SEMA3A: variants seen among roughly 807,000 people sequenced by gnomAD.
SEMA3A encodes semaphorin 3A.
Under a neutral mutation model 97.9 loss-of-function variants are expected in SEMA3A, and 29 were observed. The ratio of observed to expected loss-of-function variants is 0.30; its 90% confidence interval spans 0.22 to 0.40. The LOEUF (loss-of-function observed/expected upper bound fraction) is 0.40. SEMA3A is among the 10% of genes least tolerant of loss of function. The pLI is 1.00. For missense variants in SEMA3A, 763 were observed against 951.3 expected, an observed-to-expected ratio of 0.80 and a Z score of 2.60; for synonymous variants, 321 against 323.7, an observed-to-expected ratio of 0.99 and a Z score of 0.09.
intron 6 of SEMA3A, among the ~76,000 whole-genome samples, chr7:84,018,847 C>A (rs1217676798): frequency 6.6e-6 from 1 of 152,096 alleles, no homozygotes; most frequent in African/African-American, 2.4e-5. Context: ...GTGTTCTAGA[C>A]CTAGTAATGA....
At chr7:84,253,024 G>A (rs528179393) in intron 3 of SEMA3A, among the ~76,000 whole-genome samples, 4 of 152,050 alleles carry the variant, frequency 2.6e-5, no homozygotes, top group Admixed American at 6.5e-5. Context: ...GACTACAGGC[G>A]TGTGCCACCA....
At chr7:84,060,805 T>C (rs1793184929) in intron 4 of SEMA3A, among the ~76,000 whole-genome samples, 1 of 152,180 alleles carries the variant, frequency 6.6e-6, no homozygotes, top group African/African-American at 2.4e-5. Context: ...AATGTGTAAA[T>C]AAACTATAAA....
At chr7:84,407,981 T>C (rs1384026087) in intron 1 of SEMA3A, among the ~76,000 whole-genome samples, 1 of 152,168 alleles carries the variant, frequency 6.6e-6, no homozygotes, top group Non-Finnish European at 1.5e-5. Context: ...GACATAAGCA[T>C]GGGCAAGGAC....
intron 15 of SEMA3A, among the ~76,000 whole-genome samples, chr7:83,969,779 C>T (rs1289815864): frequency 1.3e-5 from 2 of 152,004 alleles, no homozygotes; most frequent in Non-Finnish European, 2.9e-5. Context: ...GATGACTAAT[C>T]ATGTCTACTC....
chr7:84,062,709 G>T (rs138692714), intron 4 of SEMA3A, among the ~76,000 whole-genome samples: 9 of 152,164 alleles, frequency 5.9e-5, no homozygotes, highest in South Asian at 2.1e-4. Flanking sequence ...GCGCTTTTCC[G>T]GCGGGCTTAA....
chr7:84,400,802 G>A (rs753003724), intron 1 of SEMA3A, among the ~76,000 whole-genome samples: 14 of 152,162 alleles, frequency 9.2e-5, no homozygotes, highest in Non-Finnish European at 1.9e-4. Context: ...TGCCACAAAA[G>A]CATTCAATAA....
intron 4 of SEMA3A, among the ~76,000 whole-genome samples, chr7:84,077,917 G>A (rs1794009591): frequency 6.6e-6 from 1 of 151,950 alleles, no homozygotes; most frequent in Non-Finnish European, 1.5e-5. Flanking sequence ...GCCAGTTGGG[G>A]GGAATGGCAA....
rs1377436785 is a variant in SEMA3A, at chr7:84,424,563, T to TATATAA, written c.-245-52669_-245-52664dup. Among the ~76,000 whole-genome samples the TATATAA allele has an allele frequency of 1.5e-4, 8 of 55,056 alleles. 1 individual carries two copies. The Admixed American group carries it at 2.6e-3, about 18-fold the overall frequency. 36.1% of individuals were successfully genotyped at this position (55,056 alleles called of 152,430 possible). ...AAATATTAATATATATTATATATAA[T>TATATAA]ATATAAATATTAATATATATTATAT... On this transcript the variant is annotated intron_variant, in intron 1 of 3. Transcript: ENST00000424555.
intron 6 of SEMA3A, among the ~76,000 whole-genome samples, chr7:84,023,119 A>G (rs1371818211): frequency 6.6e-6 from 1 of 152,178 alleles, no homozygotes; most frequent in African/African-American, 2.4e-5. Flanking sequence ...CTGTTGAAAT[A>G]TTTTTAGCAG....
At position 84,344,640 on chromosome 7, in the gene SEMA3A, C is replaced by T. The variant is rs143104560; in HGVS notation, c.-169+27184G>A. On this transcript the variant is annotated intron_variant, in intron 2 of 3. Transcript: ENST00000424555. ...CAAGAGAGAGGCCTCTGTTTGTTTG[C>T]AGTGTGCTCTGTCCTCAAGTCTTTG... Among the ~76,000 whole-genome samples the T allele has an allele frequency of 3.2e-3, 487 of 152,286 alleles. 2 individuals are homozygous for T. Among genetic ancestry groups the T allele is most frequent in the African/African-American group, 0.01 (425 of 41,556 alleles).
intron 1 of SEMA3A, among the ~76,000 whole-genome samples, chr7:84,150,775 C>A (rs941037608): frequency 5.9e-5 from 9 of 152,098 alleles, no homozygotes; most frequent in Admixed American, 5.2e-4. Flanking sequence ...GTAGGCTCCA[C>A]CTCTGGGGGC....
intron 4 of SEMA3A, among the ~76,000 whole-genome samples, chr7:84,075,042 T>C (rs955054068): frequency 7.9e-5 from 12 of 152,194 alleles, no homozygotes; most frequent in Non-Finnish European, 8.8e-5. Flanking sequence ...CCTCTGTTTC[T>C]AGAGAATCTC....
intron 1 of SEMA3A, among the ~76,000 whole-genome samples, chr7:84,482,898 T>C (rs188949923): frequency 2.7e-5 from 4 of 147,918 alleles, no homozygotes; most frequent in African/African-American, 1.0e-4. Context: ...GTCTCAAACT[T>C]TCTTAGTCTA....
chr7:84,202,069 AT>A (rs959851895), intron 3 of SEMA3A, among the ~76,000 whole-genome samples: 8 of 152,056 alleles, frequency 5.3e-5, no homozygotes, highest in East Asian at 1.9e-4. Flanking sequence ...AAACAAATTT[AT>A]TTTTTTATCC....
Position 84,001,950 on chromosome 7 carries a change from C to T in SEMA3A, c.1452+5G>A. The T allele has an allele frequency of 6.2e-7, 1 of 1,603,382 alleles. No individual in the cohort carries two copies. Among genetic ancestry groups the T allele is most frequent in the Non-Finnish European group, 8.5e-7 (1 of 1,171,126 alleles). Reference sequence around the variant, plus strand: ...TGTTGACACTTGAAATTAAGCAGCACTCACCCGAAAAACTGTCATTTCTTC... The same window carrying T: ...TGTTGACACTTGAAATTAAGCAGCATTCACCCGAAAAACTGTCATTTCTTC... On this transcript the variant is annotated splice_donor_5th_base_variant and intron_variant, in intron 12 of 16. Coordinates refer to ENST00000265362, the MANE Select transcript of SEMA3A (RefSeq NM_006080.3).
In SEMA3A at chr7:84,225,165, T is replaced by A. The variant is rs377620945; in HGVS notation, c.-82-30497A>T. 2.4e-4 allele frequency among the ~76,000 whole-genome samples: 37 copies of A among 152,266 alleles called. No individual in the cohort carries two copies. In the East Asian group the frequency reaches 6.2e-3, roughly 25 times the overall value. On this transcript the variant is annotated intron_variant, in intron 3 of 3. Transcript: ENST00000424555. Reference sequence around the variant, plus strand: ...CTTCTAATTCTATGTCTCATGATTCTCAGATTTAATACAATTTTAGAAAAG... The same window carrying A: ...CTTCTAATTCTATGTCTCATGATTCACAGATTTAATACAATTTTAGAAAAG...
intron 1 of SEMA3A, among the ~76,000 whole-genome samples, chr7:84,179,089 A>AT: frequency 6.6e-6 from 1 of 152,222 alleles, no homozygotes; most frequent in African/African-American, 2.4e-5. Flanking sequence ...TATATCACAC[A>AT]TTTTCCCCAT....
intron 1 of SEMA3A, among the ~76,000 whole-genome samples, chr7:84,406,159 A>G (rs1230509949): frequency 6.6e-6 from 1 of 152,174 alleles, no homozygotes; most frequent in Non-Finnish European, 1.5e-5. Context: ...TAGCAAGACT[A>G]ATAAAGAAGA....
At chr7:83,977,259 A>G (rs1789188501) in intron 14 of SEMA3A, 63 bp from the exon 15 acceptor site, 3 of 924,936 alleles carry the variant, frequency 3.2e-6, no homozygotes, top group Non-Finnish European at 3.3e-6. Flanking sequence ...GGAATTTGTC[A>G]TAAGAATGAA....
Sources: gnomAD v4.1 joint callset for allele counts (sites outside exome capture counted in the v4.1 genomes callset) on GRCh38, gnomAD v4.1.1 for gene constraint, MANE v1.5 for transcripts, NCBI Gene and HGNC (gene_info 2026-07-23, HGNC 2026-07-21) for gene names.